The following FUNDC1 variants were observed in gnomAD, a reference collection of about 807,000 sequenced individuals.
FUNDC1 encodes the protein FUN14 domain containing 1.
A neutral mutation model predicts 14.5 loss-of-function variants in FUNDC1; 10 were observed. That is an observed-to-expected ratio of 0.69 (90% CI 0.43 to 1.17). The LOEUF is 1.17. Ranked by LOEUF, FUNDC1 falls within the 50% of genes most tolerant of loss-of-function variation. The pLI is 0.00. For missense variants in FUNDC1, 115 were observed against 113.8 expected (o/e 1.01, Z -0.05); for synonymous variants, 33 against 39.7 (o/e 0.83, Z 0.64).
At chrX:44,536,677 A>G (rs2038950484) in intron 3 of FUNDC1, among the ~76,000 whole-genome samples, 1 of 111,756 alleles carries the variant, frequency 8.9e-6, no homozygotes, top group African/African-American at 3.3e-5. Context: ...TTGTTTAGGG[A>G]AAAAGAGATT....
chrX:44,532,395 G>GAA (rs746125483), intron 3 of FUNDC1, among the ~76,000 whole-genome samples: 12 of 39,403 alleles, frequency 3.0e-4, no homozygotes, highest in African/African-American at 8.8e-4. Flanking sequence ...CTCTGTCTCA[G>GAA]AAAAAAAAAA....
At chrX:44,538,605 C>T (rs765296555) in intron 2 of FUNDC1, 63 bp from the exon 3 acceptor site, 11 of 800,503 alleles carry the variant, frequency 1.4e-5, no homozygotes, top group Non-Finnish European at 2.1e-5. Flanking sequence ...CCCTCTTCTA[C>T]TTTTCATTGC....
chrX:44,525,222 G>A (rs890900144), intron 4 of FUNDC1, among the ~76,000 whole-genome samples: 1 of 110,039 alleles, frequency 9.1e-6, no homozygotes, highest in African/African-American at 3.3e-5. Flanking sequence ...TTTTGGGGGG[G>A]TGAGTGGGAA....
rs1429129058 is a variant in FUNDC1 at position 44,527,324 on chromosome X, T to C, written c.303A>G (p.Arg101=). ...TTGCTTTATTTACATCTTTTTCAAC[T>C]CTCTTCCAGTCAATCTGCACATAGC... is the stretch of plus-strand genomic sequence containing the variant. ...HSGYVQIDWK[R]VEKDVNKAKR... Residue 101 remains arginine, a synonymous_variant, in exon 4 of 5, where the codon AGA becomes AGG. Transcript: ENST00000378045. 2.5e-6 allele frequency: 3 copies of C among 1,191,953 alleles called. No individual in the cohort carries two copies. The Admixed American group carries it at 6.7e-5, about 27-fold the overall frequency.
intron 3 of FUNDC1, among the ~76,000 whole-genome samples, chrX:44,535,986 TAA>T (rs778462718): frequency 2.1e-4 from 17 of 82,468 alleles, no homozygotes; most frequent in Non-Finnish European, 2.1e-4. Context: ...AACTCTTGTC[TAA>T]AAAAAAAAAA....
At chrX:44,540,966 C>T (rs750048224) in intron 2 of FUNDC1, among the ~76,000 whole-genome samples, 21 of 111,071 alleles carry the variant, frequency 1.9e-4, no homozygotes, top group Non-Finnish European at 5.7e-5. Context: ...ACAGAATCTT[C>T]ACAATGAGTA....
chrX:44,524,202 G>T lies in FUNDC1; in HGVS notation c.464C>A (p.Ser155Tyr). The T allele has an allele frequency of 8.5e-7, 1 of 1,181,466 alleles. No homozygotes were observed. Among genetic ancestry groups the T allele is most frequent in the Non-Finnish European group, 1.2e-6 (1 of 868,465 alleles). ...FVGGFLLGLA[S>Y] The stretch of plus-strand genomic sequence containing the variant: ...TATGGGAGAATATTCATGTCCTTAA[G>T]ATGCAAGTCCGAGCAAAAAGCCTCC... The change falls in exon 5 of 5, where the codon TCT becomes TAT. Residue 155 changes from serine (S) to tyrosine (Y), a missense_variant. Coordinates refer to ENST00000378045, the MANE Select transcript of FUNDC1 (RefSeq NM_173794.4).
chrX:44,526,630 AAAGT>A (rs1358400537), intron 4 of FUNDC1, among the ~76,000 whole-genome samples: 1 of 111,052 alleles, frequency 9.0e-6, no homozygotes, highest in African/African-American at 3.3e-5. Flanking sequence ...ACACACAGAT[AAAGT>A]AAACACGGCA....
chrX:44,536,172 T>C (rs768943339), intron 3 of FUNDC1, among the ~76,000 whole-genome samples: 27 of 107,462 alleles, frequency 2.5e-4, no homozygotes, highest in African/African-American at 9.2e-4. Flanking sequence ...ATTAGCGGGG[T>C]GCTGTGGCAG....
intron 3 of FUNDC1, among the ~76,000 whole-genome samples, chrX:44,533,830 G>A (rs780701069): frequency 9.2e-6 from 1 of 108,988 alleles, no homozygotes; most frequent in South Asian, 3.9e-4. Context: ...TTGGGAGACC[G>A]AGGTGGGTGG....
intron 4 of FUNDC1, among the ~76,000 whole-genome samples, chrX:44,526,121 CAAA>C (rs1160748399): frequency 3.6e-4 from 2 of 5,502 alleles, no homozygotes. Context: ...TCAAAAAAAA[CAAA>C]AAAAAAAAAC....
chrX:44,531,315 GACAC>G (rs766982993), intron 3 of FUNDC1, among the ~76,000 whole-genome samples: 810 of 18,768 alleles, frequency 0.043, 30 homozygotes, highest in Non-Finnish European at 0.046. Context: ...ATGTTGGCCA[GACAC>G]ACACACACAC....
intron 3 of FUNDC1, among the ~76,000 whole-genome samples, 172 bp from the exon 4 acceptor site, chrX:44,527,537 G>A (rs937164977): frequency 1.6e-4 from 18 of 111,732 alleles, no homozygotes; most frequent in African/African-American, 5.5e-4. Flanking sequence ...CCTACCCTAT[G>A]CTAAGTACTG....
chrX:44,537,637 A>G (rs896200139), intron 3 of FUNDC1, among the ~76,000 whole-genome samples: 1 of 112,205 alleles, frequency 8.9e-6, no homozygotes, highest in African/African-American at 3.2e-5. Flanking sequence ...TACTACAACT[A>G]CACTAGTTAT....
intron 4 of FUNDC1, among the ~76,000 whole-genome samples, chrX:44,525,138 T>C (rs924965267): frequency 7.2e-5 from 8 of 111,239 alleles, no homozygotes; most frequent in Admixed American, 1.9e-4. Flanking sequence ...GGGAATAAAA[T>C]TAACAGATGA....
rs2038912891 is a variant in FUNDC1, at chrX:44,529,073, T to C, written c.262-1708A>G. Among the ~76,000 whole-genome samples the C allele has an allele frequency of 2.7e-5, 3 of 111,687 alleles. No homozygotes were observed. In the Admixed American group the frequency reaches 2.9e-4, roughly 11 times the overall value. ...CATTTTCAAGACTTAACATTTTAAG[T>C]TACAAAGTTTTTTTTAAAAAGCTAA... On this transcript the variant is annotated intron_variant, in intron 3 of 4. Coordinates refer to ENST00000378045, the MANE Select transcript of FUNDC1 (RefSeq NM_173794.4).
At chrX:44,539,568 C>A (rs2038962464) in intron 2 of FUNDC1, among the ~76,000 whole-genome samples, 1 of 111,841 alleles carries the variant, frequency 8.9e-6, no homozygotes, top group Non-Finnish European at 1.9e-5. Flanking sequence ...ACAGATTTCT[C>A]CCTCTGAGCC....
At chrX:44,535,028 C>G (rs1379470219) in intron 3 of FUNDC1, among the ~76,000 whole-genome samples, 1 of 111,371 alleles carries the variant, frequency 9.0e-6, no homozygotes, top group Non-Finnish European at 1.9e-5. Flanking sequence ...CGCCTGTAAT[C>G]CCAGCTACTT....
At chrX:44,539,454 C>T (rs998141945) in intron 2 of FUNDC1, among the ~76,000 whole-genome samples, 8 of 111,124 alleles carry the variant, frequency 7.2e-5, no homozygotes, top group Non-Finnish European at 1.5e-4. Flanking sequence ...AGAGGGAAGA[C>T]GACATGTGAG....
Sources: allele counts gnomAD v4.1 joint callset (sites outside exome capture counted in the v4.1 genomes callset), GRCh38; gene constraint gnomAD v4.1.1; transcripts MANE v1.5; gene names NCBI Gene and HGNC (gene_info 2026-07-23, HGNC 2026-07-21).